Variants in HIBADH observed in about 807,000 individuals in gnomAD.
The protein encoded by HIBADH is 3-hydroxyisobutyrate dehydrogenase.
Under a neutral mutation model 36.1 loss-of-function variants are expected in HIBADH, and 25 were observed. That is an observed-to-expected ratio of 0.69 (90% CI 0.50 to 0.97). The LOEUF is 0.97. Among genes scored for constraint, HIBADH ranks in the 50% least tolerant of loss-of-function variants. HIBADH has a pLI of 0.00. For missense variants in HIBADH, 421 were observed against 418.0 expected (o/e 1.01, Z -0.06); for synonymous variants, 160 against 149.5 (o/e 1.07, Z -0.51).
At chr7:27,619,860 C>T (rs1785506172) in intron 4 of HIBADH, among the ~76,000 whole-genome samples, 1 of 151,890 alleles carries the variant, frequency 6.6e-6, no homozygotes, top group Non-Finnish European at 1.5e-5. Context: ...ATCTCCAAAC[C>T]CACAGAGAAA....
chr7:27,645,369 T>TG (rs70974487), intron 2 of HIBADH, among the ~76,000 whole-genome samples: 19,055 of 48,108 alleles, frequency 0.4, 5,143 homozygotes, highest in South Asian at 0.49. Context: ...ATGGTTTTGA[T>TG]TTTTTTTTTT....
intron 4 of HIBADH, among the ~76,000 whole-genome samples, chr7:27,601,411 TTA>T (rs1335764273): frequency 6.6e-6 from 1 of 152,100 alleles, no homozygotes; most frequent in African/African-American, 2.4e-5. Context: ...GTGTATTTTA[TTA>T]TGATTGTGCA....
At chr7:27,545,030 T>C (rs1470137435) in intron 4 of HIBADH, among the ~76,000 whole-genome samples, 1 of 152,350 alleles carries the variant, frequency 6.6e-6, no homozygotes, top group East Asian at 1.9e-4. Flanking sequence ...CATCCCAAAG[T>C]AAGCATCTAA....
At chr7:27,544,454 T>G (rs777673790) in intron 4 of HIBADH, among the ~76,000 whole-genome samples, 1 of 152,224 alleles carries the variant, frequency 6.6e-6, no homozygotes, top group Non-Finnish European at 1.5e-5. Context: ...TTGGATTATA[T>G]ACAAAAACCC....
intron 6 of HIBADH, among the ~76,000 whole-genome samples, chr7:27,534,295 C>G (rs947314559): frequency 2.0e-5 from 3 of 150,536 alleles, no homozygotes; most frequent in African/African-American, 4.8e-5. Context: ...AATTATGTCA[C>G]TAAACTGGGA....
chr7:27,541,558 A>G (rs1433240171), intron 5 of HIBADH, among the ~76,000 whole-genome samples: 4 of 152,182 alleles, frequency 2.6e-5, no homozygotes, highest in Admixed American at 2.6e-4. Flanking sequence ...TTTGTTTACA[A>G]TGGTCCTTAC....
chr7:27,549,185 A>G (rs148853172), intron 4 of HIBADH, among the ~76,000 whole-genome samples: 1 of 152,336 alleles, frequency 6.6e-6, no homozygotes, highest in African/African-American at 2.4e-5. Context: ...AGGAGAAATA[A>G]GTTCAAGAGA....
At chr7:27,656,714 C>A (rs1786314065) in intron 1 of HIBADH, among the ~76,000 whole-genome samples, 1 of 152,068 alleles carries the variant, frequency 6.6e-6, no homozygotes, top group African/African-American at 2.4e-5. Context: ...CCATTTTTTA[C>A]CATGAGCATG....
Position 27,563,695 on chromosome 7 carries a change from A to AT in HIBADH, c.485-20596dup, listed in dbSNP as rs201258112. 8.6e-3 allele frequency among the ~76,000 whole-genome samples: 1,312 copies of AT among 152,014 alleles called. 12 individuals are homozygous for AT. Among genetic ancestry groups the AT allele is most frequent in the Non-Finnish European group, 0.014 (934 of 67,964 alleles). ...TCATGTGCTTATTTGCCAACCATGT[A>AT]TTTTCTTTGGTGACATGTCTGTTGA... On this transcript the variant is annotated intron_variant, in intron 4 of 7. Coordinates refer to ENST00000265395, the MANE Select transcript of HIBADH (RefSeq NM_152740.4).
In HIBADH at chr7:27,650,464, A is replaced by T. The variant is rs1448949483; in HGVS notation, c.92-831T>A. Reference sequence around the variant, plus strand: ...AGAGAGACTTCCTTATTATATTTTTATTTATTTATTTATTTATTTATTTAT... The same window carrying T: ...AGAGAGACTTCCTTATTATATTTTTTTTTATTTATTTATTTATTTATTTAT... On this transcript the variant is annotated intron_variant, in intron 1 of 7. Transcript: ENST00000265395. Among the ~76,000 whole-genome samples the T allele has an allele frequency of 1.4e-3, 31 of 21,806 alleles. No homozygotes were observed. In the East Asian group the frequency reaches 0.17, roughly 117 times the overall value. 14.3% of individuals were successfully genotyped at this position (21,806 alleles called of 152,430 possible).
In HIBADH at chr7:27,526,247, C is replaced by T. The variant is rs762563585; in HGVS notation, c.978G>A (p.Val326=). 2 of 1,612,094 alleles carry T rather than the reference C, an allele frequency of 1.2e-6. No homozygotes were observed. The highest frequency in any genetic ancestry group is 2.2e-5 in the East Asian group (1 of 44,674). Residue 326 remains valine (V), a synonymous_variant, in exon 8 of 8, where the codon GTG becomes GTA. Transcript: ENST00000265395. ...TCTCCTCCTCTCGTAGGAACTGGAA[C>T]ACGGATGAGAAGTCTTTCTTTGAGT... is the stretch of plus-strand genomic sequence containing the variant. The part of the protein sequence containing the change: ...KGYSKKDFSS[V]FQFLREEETF
At chr7:27,580,034 T>A (rs892535447) in intron 4 of HIBADH, among the ~76,000 whole-genome samples, 1 of 152,136 alleles carries the variant, frequency 6.6e-6, no homozygotes, top group Non-Finnish European at 1.5e-5. Context: ...CTTCTACAAA[T>A]TAGGATTAAG....
intron 4 of HIBADH, among the ~76,000 whole-genome samples, chr7:27,554,751 T>C (rs904073163): frequency 6.6e-6 from 1 of 151,934 alleles, no homozygotes; most frequent in Non-Finnish European, 1.5e-5. Context: ...AGTAGAAAAC[T>C]GGGGACAGCA....
At chr7:27,639,651 C>T (rs1309122828) in intron 2 of HIBADH, among the ~76,000 whole-genome samples, 2 of 152,030 alleles carry the variant, frequency 1.3e-5, no homozygotes, top group East Asian at 3.9e-4. Context: ...CAAACACACT[C>T]ATTTTCTGAG....
intron 6 of HIBADH, among the ~76,000 whole-genome samples, chr7:27,536,729 T>TA (rs1393822451): frequency 6.6e-6 from 1 of 152,090 alleles, no homozygotes; most frequent in African/African-American, 2.4e-5. Flanking sequence ...GATCATCTTA[T>TA]AGTAAGAGTT....
intron 4 of HIBADH, among the ~76,000 whole-genome samples, chr7:27,569,198 C>CT (rs1784591925): frequency 6.6e-6 from 1 of 152,002 alleles, no homozygotes; most frequent in Admixed American, 6.6e-5. Flanking sequence ...CCATTTGGTT[C>CT]TTTTTTATAG....
Position 27,538,399 on chromosome 7 carries a change from T to C in HIBADH, c.637A>G (p.Asn213Asp). The C allele has an allele frequency of 6.2e-7, 1 of 1,613,154 alleles. No homozygotes were observed. The highest frequency in any genetic ancestry group is 1.1e-5 in the South Asian group (1 of 91,042). ...ATCATACTAATAGCTAACAGCATGT[T>C]GTTGCAGATCTTTGCCGCCTGAAAA... ...GTGQAAKICNNMLLAISMIGT... is the reference protein window; with the variant it reads ...GTGQAAKICNDMLLAISMIGT... Residue 213 changes from asparagine (N) to aspartate (D), a missense_variant, in exon 6 of 8, where the codon AAC becomes GAC. Coordinates refer to ENST00000265395, the MANE Select transcript of HIBADH (RefSeq NM_152740.4).
intron 4 of HIBADH, among the ~76,000 whole-genome samples, chr7:27,619,162 C>T (rs916953541): frequency 6.6e-6 from 1 of 152,190 alleles, no homozygotes; most frequent in Non-Finnish European, 1.5e-5. Context: ...CTAATAACTT[C>T]ACCCTAACCC....
At chr7:27,647,118 G>A (rs567846898) in intron 2 of HIBADH, among the ~76,000 whole-genome samples, 2 of 152,042 alleles carry the variant, frequency 1.3e-5, no homozygotes, top group Non-Finnish European at 2.9e-5. Flanking sequence ...CTACTCTTGC[G>A]CTTTGGACCA....
Sources: allele counts gnomAD v4.1 joint callset (sites outside exome capture counted in the v4.1 genomes callset), GRCh38; gene constraint gnomAD v4.1.1; transcripts MANE v1.5; gene names NCBI Gene and HGNC (gene_info 2026-07-23, HGNC 2026-07-21).